Variants in KCNIP4 observed in about 807,000 individuals in gnomAD.
KCNIP4 encodes the protein Kv channel-interacting protein 4.
A neutral mutation model predicts 34.0 loss-of-function variants in KCNIP4; 12 were observed. That is an observed-to-expected ratio of 0.35 (90% CI 0.23 to 0.57). The LOEUF (loss-of-function observed/expected upper bound fraction) is 0.57, where lower values mean the gene tolerates loss of function less well. Among genes scored for constraint, KCNIP4 ranks in the 20% least tolerant of loss-of-function variants. The pLI is 0.83. For synonymous variants in KCNIP4, 124 were observed against 102.2 expected (o/e 1.21, Z -1.29); for missense variants, 238 against 311.7 (o/e 0.76, Z 1.78).
At chr4:20,803,074 CAA>C (rs4054902) in intron 3 of KCNIP4, among the ~76,000 whole-genome samples, 8,994 of 77,994 alleles carry the variant, frequency 0.12, 305 homozygotes, top group African/African-American at 0.25. Context: ...GACTCTGCCT[CAA>C]AAAAAAAAAA....
At chr4:21,663,977 C>T (rs1748643489) in intron 1 of KCNIP4, among the ~76,000 whole-genome samples, 1 of 152,106 alleles carries the variant, frequency 6.6e-6, no homozygotes, top group South Asian at 2.1e-4. Flanking sequence ...CAGAGTCTTG[C>T]TGTGTTGCCC....
intron 3 of KCNIP4, among the ~76,000 whole-genome samples, chr4:20,783,084 T>A (rs752154585): frequency 3.9e-5 from 6 of 152,190 alleles, no homozygotes; most frequent in Non-Finnish European, 8.8e-5. Context: ...AGAGTCACCT[T>A]TGCTCTAGTT....
At chr4:21,343,068 A>T (rs548062092) in intron 1 of KCNIP4, among the ~76,000 whole-genome samples, 1 of 152,238 alleles carries the variant, frequency 6.6e-6, no homozygotes, top group Admixed American at 6.5e-5. Flanking sequence ...CCAGCAACAT[A>T]AGAATAGAGA....
chr4:21,778,892 T>A (rs1719379037), intron 1 of KCNIP4, among the ~76,000 whole-genome samples: 1 of 152,102 alleles, frequency 6.6e-6, no homozygotes, highest in Non-Finnish European at 1.5e-5. Flanking sequence ...CTTGGGCAAT[T>A]CTGTAGCTCT....
chr4:20,938,729 AAAC>A (rs1560585373), intron 1 of KCNIP4, among the ~76,000 whole-genome samples: 1 of 152,074 alleles, frequency 6.6e-6, no homozygotes, highest in Non-Finnish European at 1.5e-5. Context: ...GAAAACAAAG[AAAC>A]AACACCTCTT....
In KCNIP4 at chr4:21,665,607, T is replaced by C. The variant is rs188041216; in HGVS notation, c.61+282964A>G. Among the ~76,000 whole-genome samples, 369 of 151,336 alleles carry C rather than the reference T, an allele frequency of 2.4e-3. 1 individual carries two copies. The highest frequency in any genetic ancestry group is 2.9e-3 in the Non-Finnish European group (196 of 67,904). On this transcript the variant is annotated intron_variant, in intron 1 of 8. Coordinates refer to ENST00000382152, the MANE Select transcript of KCNIP4 (RefSeq NM_025221.6). ...AAGTCAAGGCTCTAAGAAGCACAGA[T>C]AGGAACATTTCAAACAAAGTGTACC...
chr4:21,883,024 A>C (rs1639884419), intron 1 of KCNIP4, among the ~76,000 whole-genome samples: 2 of 152,190 alleles, frequency 1.3e-5, no homozygotes, highest in South Asian at 4.1e-4. Context: ...TGTACCCTGA[A>C]TAGACCTTAT....
chr4:21,605,504 G>T (rs1213765179), intron 1 of KCNIP4, among the ~76,000 whole-genome samples: 7 of 151,468 alleles, frequency 4.6e-5, no homozygotes, highest in Non-Finnish European at 4.4e-5. Context: ...TTTTTGAGAC[G>T]GAGTCTCACT....
intron 1 of KCNIP4, among the ~76,000 whole-genome samples, chr4:21,353,758 G>C (rs555693486): frequency 3.3e-5 from 5 of 152,292 alleles, no homozygotes; most frequent in Admixed American, 2.0e-4. Flanking sequence ...CCTCAACCTA[G>C]CAAGGTAGGA....
intron 1 of KCNIP4, among the ~76,000 whole-genome samples, chr4:21,516,041 T>C (rs1281674491): frequency 2.0e-5 from 3 of 152,206 alleles, no homozygotes; most frequent in East Asian, 1.9e-4. Context: ...AGTAGCTCAA[T>C]TGATTATTGT....
intron 1 of KCNIP4, among the ~76,000 whole-genome samples, chr4:21,870,106 G>A (rs943853202): frequency 6.6e-5 from 10 of 152,118 alleles, no homozygotes; most frequent in Non-Finnish European, 2.9e-5. Flanking sequence ...AAGCCCAGTG[G>A]ACTCTAGGTC....
chr4:20,734,420 T>C (rs1212145728), intron 6 of KCNIP4, among the ~76,000 whole-genome samples: 1 of 152,218 alleles, frequency 6.6e-6, no homozygotes, highest in Non-Finnish European at 1.5e-5. Context: ...AACAAGGGTG[T>C]AATCTTTATG....
At chr4:21,339,124 A>G (rs1356933047) in intron 1 of KCNIP4, among the ~76,000 whole-genome samples, 1 of 152,190 alleles carries the variant, frequency 6.6e-6, no homozygotes, top group Non-Finnish European at 1.5e-5. Context: ...CTTTGCTGCT[A>G]GACAGATAAA....
intron 1 of KCNIP4, among the ~76,000 whole-genome samples, chr4:21,247,800 GAT>G (rs369985938): frequency 2.0e-3 from 102 of 50,750 alleles, no homozygotes; most frequent in Admixed American, 2.9e-3. Context: ...ACCACAGGTG[GAT>G]ATATATATAT....
intron 1 of KCNIP4, among the ~76,000 whole-genome samples, chr4:21,223,350 A>G (rs963563522): frequency 1.3e-5 from 2 of 152,234 alleles, no homozygotes; most frequent in African/African-American, 4.8e-5. Flanking sequence ...AGTCTCCATA[A>G]GAAACCAGCC....
intron 1 of KCNIP4, among the ~76,000 whole-genome samples, chr4:21,352,770 C>T (rs1218413169): frequency 3.3e-5 from 5 of 152,196 alleles, no homozygotes; most frequent in African/African-American, 9.6e-5. Context: ...CTGAAGAGAG[C>T]AGTGGTTCTC....
chr4:21,007,748 G>A (rs1180386796), intron 1 of KCNIP4, among the ~76,000 whole-genome samples: 1 of 152,150 alleles, frequency 6.6e-6, no homozygotes, highest in African/African-American at 2.4e-5. Context: ...GGCGCCAAAG[G>A]GAAGCCCTGA....
rs1398574479 is a variant in KCNIP4 at position 21,143,789 on chromosome 4, C to T, written c.62-261080G>A. Reference sequence around the variant, plus strand: ...CATGATCTTGGCTCACTGCAACCTCCACCTCCCAGGTTCAAGCAATTCTCT... The same window carrying T: ...CATGATCTTGGCTCACTGCAACCTCTACCTCCCAGGTTCAAGCAATTCTCT... On this transcript the variant is annotated intron_variant, in intron 1 of 8. Coordinates refer to ENST00000382152, the MANE Select transcript of KCNIP4 (RefSeq NM_025221.6). 2.6e-5 allele frequency among the ~76,000 whole-genome samples: 4 copies of T among 152,018 alleles called. No individual in the cohort carries two copies. The East Asian group carries it at 7.8e-4, about 29-fold the overall frequency.
At chr4:21,294,634 T>C (rs1178090793) in intron 1 of KCNIP4, among the ~76,000 whole-genome samples, 2 of 152,168 alleles carry the variant, frequency 1.3e-5, no homozygotes, top group African/African-American at 4.8e-5. Context: ...TCACCTAGAA[T>C]ATAATGATCA....
Sources: allele counts gnomAD v4.1 joint callset (sites outside exome capture counted in the v4.1 genomes callset), GRCh38; gene constraint gnomAD v4.1.1; transcripts MANE v1.5; gene names NCBI Gene and HGNC (gene_info 2026-07-23, HGNC 2026-07-21).